Variants in LAMTOR4 observed in about 807,000 individuals in gnomAD.
LAMTOR4 encodes ragulator complex protein LAMTOR4.
LAMTOR4 carries 11 observed loss-of-function variants against 13.5 expected under a neutral mutation model. That is an observed-to-expected ratio of 0.82 (90% CI 0.51 to 1.35). The LOEUF is 1.35. LAMTOR4 is among the 40% of genes most tolerant of loss of function. The pLI, the probability that LAMTOR4 is intolerant of heterozygous loss-of-function variation, is 0.00. For missense variants in LAMTOR4, 128 were observed against 126.2 expected (o/e 1.01, Z -0.07); for synonymous variants, 69 against 52.3 (o/e 1.32, Z -1.38).
At chr7:100,149,661 T>C in intron 2 of LAMTOR4, 82 bp downstream of exon 2, 1 of 1,051,358 alleles carries the variant, frequency 9.5e-7, no homozygotes, top group African/African-American at 1.6e-5. Context: ...TTTTCTCGGC[T>C]TTTATCTGGT....
rs954592503 is a variant in LAMTOR4, at chr7:100,153,748, T to A, written c.203-119T>A. The A allele has an allele frequency of 1.0e-5, 8 of 799,400 alleles. No individual in the cohort carries two copies. In the African/African-American group the frequency reaches 1.0e-4, roughly 10 times the overall value. 49.5% of individuals were successfully genotyped at this position (799,400 alleles called of 1,614,324 possible). On this transcript the variant is annotated intron_variant, in intron 3 of 3. Coordinates refer to ENST00000341942, the MANE Select transcript of LAMTOR4 (RefSeq NM_001008395.4). ...TCTCTGAGCCTGGAACTATAGAACT[T>A]CTTTGGCTTTGATCCCAGCCAATGT...
In LAMTOR4 at chr7:100,148,939, C is replaced by G. The variant is rs751042334; in HGVS notation, c.-34C>G. On this transcript the variant is annotated 5_prime_UTR_variant, in exon 1 of 4. The change creates a new upstream start codon in the 5' untranslated region. Transcript: ENST00000341942. ...GGGCCTGAAGCCGGAAGCTACCTAT[C>G]TGGTAGGGAGCTCCCCCAGCACCGA... 2 of 1,612,216 alleles carry G rather than the reference C, an allele frequency of 1.2e-6. No homozygotes were observed. Among genetic ancestry groups the G allele is most frequent in the Non-Finnish European group, 1.7e-6 (2 of 1,179,970 alleles).
chr7:100,149,029 C>A, intron 1 of LAMTOR4, 54 bp downstream of exon 1: 1 of 1,590,062 alleles, frequency 6.3e-7, no homozygotes, highest in Non-Finnish European at 8.5e-7. Context: ...CGTCTCTGCT[C>A]CCCAGTCTGT....
At chr7:100,149,049 C>A in intron 1 of LAMTOR4, 74 bp downstream of exon 1, 1 of 1,552,136 alleles carries the variant, frequency 6.4e-7, no homozygotes, top group Non-Finnish European at 8.7e-7. Flanking sequence ...TGTGGTTTCC[C>A]CCTGGTGGGC....
At position 100,153,686 on chromosome 7, in the gene LAMTOR4, GAGAA is replaced by G. The variant is rs1488359913; in HGVS notation, c.202+172_202+175del. The G allele has an allele frequency of 7.9e-6, 6 of 756,664 alleles. No homozygotes were observed. In the African/African-American group the frequency reaches 8.6e-5, roughly 11 times the overall value. 46.9% of individuals were successfully genotyped at this position (756,664 alleles called of 1,614,324 possible). ...ATCAGAATTGTGAATGAGAAGGCAA[GAGAA>G]AGGAGATCTAGCAGAGGCCACTCAT... On this transcript the variant is annotated intron_variant, in intron 3 of 3. Transcript: ENST00000341942.
chr7:100,149,135 C>T, intron 1 of LAMTOR4, 160 bp downstream of exon 1: 1 of 929,868 alleles, frequency 1.1e-6, no homozygotes, highest in Non-Finnish European at 1.6e-6. Flanking sequence ...GACGAGAATG[C>T]TGGGGAGGGG....
chr7:100,149,143 G>A, intron 1 of LAMTOR4, 168 bp downstream of exon 1: 1 of 870,578 alleles, frequency 1.1e-6, no homozygotes, highest in Non-Finnish European at 1.7e-6. Context: ...TGCTGGGGAG[G>A]GGTCTGTGGG....
chr7:100,153,812 A>C (rs780254625), intron 3 of LAMTOR4, 55 bp from the exon 4 acceptor site: 2 of 1,291,044 alleles, frequency 1.5e-6, no homozygotes, highest in Non-Finnish European at 2.2e-6. Flanking sequence ...TGCACCCACT[A>C]ACTCTGTGCT....
chr7:100,152,998 T>C (rs1191486316), intron 2 of LAMTOR4, among the ~76,000 whole-genome samples: 1 of 151,806 alleles, frequency 6.6e-6, no homozygotes, highest in African/African-American at 2.4e-5. Flanking sequence ...ACTAAAAATA[T>C]AAAAAATTAG....
At chr7:100,149,354 G>C (rs1255214663) in intron 1 of LAMTOR4, 145 bp from the exon 2 acceptor site, 1 of 700,822 alleles carries the variant, frequency 1.4e-6, no homozygotes. Flanking sequence ...ACCATGTAGG[G>C]GGGAGGGGGC....
chr7:100,150,968 G>A (rs1343738518), intron 2 of LAMTOR4, among the ~76,000 whole-genome samples: 23 of 149,400 alleles, frequency 1.5e-4, no homozygotes, highest in African/African-American at 4.7e-4. Flanking sequence ...CAGCCTGGGC[G>A]ACAGAGCAAG....
At chr7:100,153,100 C>T (rs574341302) in intron 2 of LAMTOR4, among the ~76,000 whole-genome samples, 1 of 151,160 alleles carries the variant, frequency 6.6e-6, no homozygotes, top group East Asian at 1.9e-4. Context: ...GCCGAGATTG[C>T]ACCACTGCAC....
chr7:100,152,357 G>T (rs1282711321), intron 2 of LAMTOR4, among the ~76,000 whole-genome samples: 1 of 152,084 alleles, frequency 6.6e-6, no homozygotes, highest in Non-Finnish European at 1.5e-5. Context: ...AGCCAAGATT[G>T]CACCACTGTA....
chr7:100,149,475 A>G (rs748222881), intron 1 of LAMTOR4, 24 bp from the exon 2 acceptor site: 3 of 1,559,314 alleles, frequency 1.9e-6, no homozygotes, highest in Non-Finnish European at 2.7e-6. Context: ...CATGCTTCTC[A>G]CGACTTGCAT....
At chr7:100,152,274 T>C (rs1798727389) in intron 2 of LAMTOR4, among the ~76,000 whole-genome samples, 1 of 152,122 alleles carries the variant, frequency 6.6e-6, no homozygotes, top group Non-Finnish European at 1.5e-5. Context: ...TGGAAGCACA[T>C]GCATGTAATC....
At position 100,149,100 on chromosome 7, in the gene LAMTOR4, A is replaced by C. The variant is rs542655793; in HGVS notation, c.3+125A>C. The C allele has an allele frequency of 6.1e-5, 78 of 1,271,132 alleles. No homozygotes were observed. The African/African-American group carries it at 1.1e-3, about 17-fold the overall frequency. The allele number at this position is 1,271,132 out of a possible 1,614,324, so 78.7% of individuals were successfully genotyped here. On this transcript the variant is annotated intron_variant, in intron 1 of 3. Coordinates refer to ENST00000341942, the MANE Select transcript of LAMTOR4 (RefSeq NM_001008395.4). ...ACCTCCTATCCGCTCGGGGAGGAAG[A>C]GGGGATGGAAATGGGAGGGATGGCG...
chr7:100,150,452 A>G (rs906170142), intron 2 of LAMTOR4, among the ~76,000 whole-genome samples: 4 of 152,218 alleles, frequency 2.6e-5, no homozygotes, highest in Admixed American at 1.3e-4. Flanking sequence ...GCACTAACCT[A>G]TCTGAACTGA....
rs758178409 is a variant in LAMTOR4 at position 100,153,722 on chromosome 7, ATC to A, written c.203-141_203-140del. The A allele has an allele frequency of 6.6e-6, 5 of 759,650 alleles. No individual in the cohort carries two copies. In the South Asian group the frequency reaches 7.3e-5, roughly 11 times the overall value. The allele number at this position is 759,650 out of a possible 1,614,324, so 47.1% of individuals were successfully genotyped here. ...TCTAGCAGAGGCCACTCATCTTCAA[ATC>A]TCTGAGCCTGGAACTATAGAACTTC... On this transcript the variant is annotated intron_variant, in intron 3 of 3. Coordinates refer to ENST00000341942, the MANE Select transcript of LAMTOR4 (RefSeq NM_001008395.4).
intron 1 of LAMTOR4, chr7:100,149,190 G>C (rs1156527326): frequency 4.6e-6 from 3 of 651,242 alleles, no homozygotes; most frequent in Non-Finnish European, 7.8e-6. Context: ...TGCAGGTCGG[G>C]CGGAGACGAA....
Sources: gnomAD v4.1 joint callset for allele counts (sites outside exome capture counted in the v4.1 genomes callset) on GRCh38, gnomAD v4.1.1 for gene constraint, MANE v1.5 for transcripts, NCBI Gene and HGNC (gene_info 2026-07-23, HGNC 2026-07-21) for gene names.